CNGB3: variants seen among roughly 807,000 people sequenced by gnomAD.
CNGB3 encodes cyclic nucleotide-gated channel beta-3.
CNGB3 carries 86 observed loss-of-function variants against 92.8 expected under a neutral mutation model. The observed-to-expected ratio is 0.93, with a 90% CI of 0.78 to 1.11. The LOEUF is 1.11. Among genes scored for constraint, CNGB3 ranks in the 50% least tolerant of loss-of-function variants. The pLI, the probability that CNGB3 is intolerant of heterozygous loss-of-function variation, is 0.00. For synonymous variants in CNGB3, 333 were observed against 332.7 expected, an observed-to-expected ratio of 1.00 and a Z score of -0.01; for missense variants, 1,026 against 956.8, an observed-to-expected ratio of 1.07 and a Z score of -0.95.
intron 14 of CNGB3, among the ~76,000 whole-genome samples, chr8:86,610,232 G>C (rs1308310005): frequency 6.6e-6 from 1 of 152,278 alleles, no homozygotes; most frequent in Admixed American, 6.5e-5. Context: ...CACTAGAAAG[G>C]TAGGCCCCTA....
chr8:86,633,856 T>A (rs777573166), intron 10 of CNGB3, among the ~76,000 whole-genome samples: 37 of 152,292 alleles, frequency 2.4e-4, no homozygotes, highest in Non-Finnish European at 3.5e-4. Context: ...TTCACCCACA[T>A]ATTATTATAT....
intron 6 of CNGB3, among the ~76,000 whole-genome samples, chr8:86,665,923 G>T (rs1388528179): frequency 1.3e-5 from 2 of 152,268 alleles, no homozygotes; most frequent in East Asian, 3.9e-4. Flanking sequence ...GGTCATGAAA[G>T]CTTTGCTTTG....
chr8:86,726,399 T>A, intron 3 of CNGB3, 132 bp downstream of exon 3: 1 of 1,272,658 alleles, frequency 7.9e-7, no homozygotes, highest in Non-Finnish European at 1.1e-6. Flanking sequence ...TGACACAGTT[T>A]TTTTGTGTTA....
intron 8 of CNGB3, among the ~76,000 whole-genome samples, chr8:86,645,383 A>G (rs1395809453): frequency 4.6e-5 from 7 of 151,196 alleles, no homozygotes; most frequent in Admixed American, 4.6e-4. Flanking sequence ...TCCAGAGCAA[A>G]ATGCCAGTTC....
At chr8:86,735,102 C>T (rs1279060361) in intron 2 of CNGB3, among the ~76,000 whole-genome samples, 11 of 91,324 alleles carry the variant, frequency 1.2e-4, no homozygotes, top group Admixed American at 1.8e-4. Context: ...ATGAATTCAA[C>T]GTGATTGTAG....
chr8:86,698,547 T>C (rs1254758030), intron 3 of CNGB3, among the ~76,000 whole-genome samples: 1 of 152,226 alleles, frequency 6.6e-6, no homozygotes, highest in Non-Finnish European at 1.5e-5. Flanking sequence ...TTAAAATTTC[T>C]TCATAGGGAA....
intron 3 of CNGB3, among the ~76,000 whole-genome samples, chr8:86,680,797 G>A (rs1051385810): frequency 2.0e-5 from 3 of 152,092 alleles, no homozygotes; most frequent in African/African-American, 7.2e-5. Context: ...GGTGAGGAGG[G>A]GAGGTGGAGT....
chr8:86,654,676 A>T (rs1007628614), intron 6 of CNGB3, among the ~76,000 whole-genome samples: 4 of 152,192 alleles, frequency 2.6e-5, no homozygotes, highest in Admixed American at 6.5e-5. Context: ...AGCATTAAAA[A>T]TTTTTTGGAC....
intron 3 of CNGB3, among the ~76,000 whole-genome samples, chr8:86,687,433 CA>C (rs1164617765): frequency 6.6e-6 from 1 of 151,862 alleles, no homozygotes; most frequent in African/African-American, 2.4e-5. Context: ...AAGCTAGACA[CA>C]AAAGGCCATA....
At chr8:86,664,300 A>G (rs114561059) in intron 6 of CNGB3, among the ~76,000 whole-genome samples, 1 of 152,382 alleles carries the variant, frequency 6.6e-6, no homozygotes, top group African/African-American at 2.4e-5. Flanking sequence ...GCTTTTTGAT[A>G]ATTTAAGACC....
intron 6 of CNGB3, chr8:86,661,634 T>C (rs1419403025): frequency 1.2e-6 from 1 of 823,842 alleles, no homozygotes; most frequent in East Asian, 2.5e-5. Flanking sequence ...TTTCTTCATC[T>C]TACAGTGATT....
Position 86,629,049 on chromosome 8 carries a change from G to A in CNGB3, c.1350C>T (p.Ala450=), listed in dbSNP as rs1033568924. The change falls in exon 12 of 18, where the codon GCC becomes GCT. Residue 450 remains alanine, a synonymous_variant. Transcript: ENST00000320005. ...QMRDVIGAAT[A]NQNYFRACMD... is the part of the protein sequence containing the mutation. ...TGCAGGCGCGGAAGTAGTTCTGATT[G>A]GCTGTAGCTGCTCCAATCACATCTC... The A allele has an allele frequency of 2.5e-6, 4 of 1,613,856 alleles. No individual in the cohort carries two copies. Among genetic ancestry groups the A allele is most frequent in the Non-Finnish European group, 3.4e-6 (4 of 1,179,940 alleles).
chr8:86,688,758 C>A (rs1414559998), intron 3 of CNGB3, among the ~76,000 whole-genome samples: 1 of 151,504 alleles, frequency 6.6e-6, no homozygotes, highest in Non-Finnish European at 1.5e-5. Context: ...TTTTAAAAAA[C>A]CAACTTTTCA....
intron 3 of CNGB3, chr8:86,704,222 A>T (rs563311889): frequency 5.2e-5 from 8 of 152,392 alleles, no homozygotes; most frequent in African/African-American, 1.7e-4. Context: ...CCATATATTT[A>T]CTATTGCCTA....
At chr8:86,641,135 A>T (rs546727064) in intron 10 of CNGB3, among the ~76,000 whole-genome samples, 9 of 152,010 alleles carry the variant, frequency 5.9e-5, no homozygotes, top group Non-Finnish European at 1.2e-4. Context: ...ATTCATTAGC[A>T]TGCTAAAAGA....
chr8:86,717,602 C>G (rs974770176), intron 3 of CNGB3, among the ~76,000 whole-genome samples: 2 of 149,794 alleles, frequency 1.3e-5, no homozygotes, highest in African/African-American at 2.5e-5. Flanking sequence ...TAATACTCTA[C>G]TGACAGAACT....
intron 10 of CNGB3, among the ~76,000 whole-genome samples, chr8:86,639,500 C>G (rs942193490): frequency 7.2e-5 from 11 of 152,020 alleles, no homozygotes; most frequent in African/African-American, 2.7e-4. Flanking sequence ...TCACAGTGTT[C>G]CATTTATGCC....
intron 5 of CNGB3, 128 bp downstream of exon 5, chr8:86,667,891 A>G (rs1278145228): frequency 9.6e-7 from 1 of 1,036,700 alleles, no homozygotes; most frequent in Non-Finnish European, 1.5e-6. Flanking sequence ...TATTTAATTT[A>G]AATTCTGCTT....
At chr8:86,620,810 A>G (rs1822710877) in intron 13 of CNGB3, among the ~76,000 whole-genome samples, 1 of 152,174 alleles carries the variant, frequency 6.6e-6, no homozygotes, top group Admixed American at 6.5e-5. Context: ...TAAGAAAATA[A>G]ATTTGTGTAA....
Sources: gnomAD v4.1 joint callset for allele counts (sites outside exome capture counted in the v4.1 genomes callset) on GRCh38, gnomAD v4.1.1 for gene constraint, MANE v1.5 for transcripts, NCBI Gene and HGNC (gene_info 2026-07-23, HGNC 2026-07-21) for gene names.